CSMD3: variants seen among roughly 807,000 people sequenced by gnomAD.
CSMD3 encodes the protein CUB and sushi domain-containing protein 3.
Under a neutral mutation model 435.2 loss-of-function variants are expected in CSMD3, and 177 were observed. That is an observed-to-expected ratio of 0.41 (90% CI 0.36 to 0.46). The LOEUF is 0.46. CSMD3 is among the 20% of genes least tolerant of loss of function. CSMD3 has a pLI of 0.34. For missense variants in CSMD3, 4,265 were observed against 4,504.6 expected (o/e 0.95, Z 1.52); for synonymous variants, 1,656 against 1,520.5 (o/e 1.09, Z -2.07).
chr8:112,714,281 C>G (rs957288539), intron 13 of CSMD3, among the ~76,000 whole-genome samples: 4 of 151,490 alleles, frequency 2.6e-5, no homozygotes, highest in Non-Finnish European at 5.9e-5. Flanking sequence ...CAATGTTACT[C>G]TCTGACAAAA....
At chr8:112,361,971 T>G (rs1827285068) in intron 38 of CSMD3, among the ~76,000 whole-genome samples, 1 of 151,936 alleles carries the variant, frequency 6.6e-6, no homozygotes, top group Non-Finnish European at 1.5e-5. Context: ...TATGTTTATG[T>G]TGATACTACC....
chr8:112,495,792 G>T (rs963050197), intron 30 of CSMD3, among the ~76,000 whole-genome samples: 1 of 151,916 alleles, frequency 6.6e-6, no homozygotes, highest in Non-Finnish European at 1.5e-5. Flanking sequence ...CAGATACTAG[G>T]TAAAAGAGTA....
intron 32 of CSMD3, among the ~76,000 whole-genome samples, chr8:112,454,835 A>T (rs900642202): frequency 7.2e-5 from 11 of 152,152 alleles, no homozygotes; most frequent in African/African-American, 2.2e-4. Flanking sequence ...TACAAAAAAA[A>T]ATCTAAAAAA....
intron 5 of CSMD3, among the ~76,000 whole-genome samples, chr8:113,076,419 C>T (rs1428782234): frequency 6.6e-6 from 1 of 151,790 alleles, no homozygotes; most frequent in East Asian, 1.9e-4. Context: ...GAGGGTAATG[C>T]CATAATACCC....
intron 10 of CSMD3, among the ~76,000 whole-genome samples, chr8:112,919,612 T>C (rs115662792): frequency 6.6e-6 from 1 of 151,892 alleles, no homozygotes; most frequent in African/African-American, 2.4e-5. Context: ...AATGCACATA[T>C]CTAATTTATG....
At chr8:113,236,921 C>A (rs2093157441) in intron 3 of CSMD3, among the ~76,000 whole-genome samples, 1 of 152,072 alleles carries the variant, frequency 6.6e-6, no homozygotes, top group African/African-American at 2.4e-5. Context: ...CAATGCCAAA[C>A]CAATAAGAGA....
intron 13 of CSMD3, among the ~76,000 whole-genome samples, chr8:112,781,582 C>T (rs984187167): frequency 1.3e-5 from 2 of 152,148 alleles, no homozygotes; most frequent in African/African-American, 4.8e-5. Context: ...TGAATAAACA[C>T]CAGCAGTAGA....
At chr8:112,427,121 T>C (rs1813142297) in intron 32 of CSMD3, among the ~76,000 whole-genome samples, 1 of 152,186 alleles carries the variant, frequency 6.6e-6, no homozygotes, top group African/African-American at 2.4e-5. Flanking sequence ...TCACTTGTGA[T>C]TGATGGCTTC....
At chr8:113,241,611 A>G (rs937683990) in intron 3 of CSMD3, among the ~76,000 whole-genome samples, 1 of 151,942 alleles carries the variant, frequency 6.6e-6, no homozygotes, top group African/African-American at 2.4e-5. Context: ...GCTGAAAAAA[A>G]AAAAAGAATG....
chr8:113,139,098 A>C (rs927608585), intron 4 of CSMD3, among the ~76,000 whole-genome samples: 4 of 151,004 alleles, frequency 2.6e-5, no homozygotes, highest in African/African-American at 9.7e-5. Context: ...ACAAACAAAA[A>C]AAATCACACA....
intron 61 of CSMD3, among the ~76,000 whole-genome samples, chr8:112,261,514 G>A (rs1001695339): frequency 1.3e-5 from 2 of 151,688 alleles, no homozygotes; most frequent in Non-Finnish European, 2.9e-5. Flanking sequence ...TTACATTCAC[G>A]TGTATGCATG....
chr8:113,294,977 T>C (rs1234563668), intron 2 of CSMD3, among the ~76,000 whole-genome samples: 1 of 152,156 alleles, frequency 6.6e-6, no homozygotes, highest in East Asian at 1.9e-4. Flanking sequence ...CACAAAACAC[T>C]GTAAAAATAG....
At chr8:113,118,855 G>C (rs1031027731) in intron 4 of CSMD3, among the ~76,000 whole-genome samples, 2 of 152,120 alleles carry the variant, frequency 1.3e-5, no homozygotes, top group Middle Eastern at 3.2e-3. Flanking sequence ...CGCAGCAGGG[G>C]ATTGAGAAGG....
intron 2 of CSMD3, chr8:113,310,874 A>T (rs956600589): frequency 1.3e-5 from 2 of 151,988 alleles, no homozygotes; most frequent in Non-Finnish European, 2.9e-5. Flanking sequence ...AATGATAATT[A>T]CATAAATTAT....
intron 3 of CSMD3, among the ~76,000 whole-genome samples, chr8:113,234,985 C>A (rs2093131166): frequency 6.6e-6 from 1 of 151,996 alleles, no homozygotes; most frequent in Admixed American, 6.6e-5. Flanking sequence ...AGCGTCTAGG[C>A]AGAGAATGTA....
At chr8:112,712,594 A>T (rs1440460545) in intron 13 of CSMD3, among the ~76,000 whole-genome samples, 1 of 152,090 alleles carries the variant, frequency 6.6e-6, no homozygotes, top group East Asian at 1.9e-4. Context: ...TGAGTTGTCA[A>T]ATGTAATTAT....
chr8:113,238,465 T>A (rs1246243092), intron 3 of CSMD3, among the ~76,000 whole-genome samples: 1 of 152,092 alleles, frequency 6.6e-6, no homozygotes, highest in Non-Finnish European at 1.5e-5. Flanking sequence ...CCTACCTTAT[T>A]AGTTCTTGAG....
intron 45 of CSMD3, among the ~76,000 whole-genome samples, chr8:112,333,669 TACAC>T (rs147365873): frequency 0.2 from 29,906 of 147,852 alleles, 3,593 homozygotes; most frequent in East Asian, 0.43. Context: ...TTCTGTCTCA[TACAC>T]ACACACACAC....
At chr8:112,845,790 G>T (rs1288849490) in intron 11 of CSMD3, among the ~76,000 whole-genome samples, 1 of 152,004 alleles carries the variant, frequency 6.6e-6, no homozygotes, top group East Asian at 1.9e-4. Context: ...GTGAGAGGGA[G>T]TTAAACAACT....
Sources: gnomAD v4.1 joint callset for allele counts (sites outside exome capture counted in the v4.1 genomes callset) on GRCh38, gnomAD v4.1.1 for gene constraint, MANE v1.5 for transcripts, NCBI Gene and HGNC (gene_info 2026-07-23, HGNC 2026-07-21) for gene names.